The following PPHLN1 variants were observed in gnomAD, a reference collection of about 807,000 sequenced individuals.
PPHLN1 encodes periphilin 1.
Under a neutral mutation model 51.3 loss-of-function variants are expected in PPHLN1, and 29 were observed. That is an observed-to-expected ratio of 0.57 (90% CI 0.42 to 0.77). The LOEUF is 0.77. Among genes scored for constraint, PPHLN1 ranks in the 30% least tolerant of loss-of-function variants. The pLI is 0.00. For missense variants in PPHLN1, 436 were observed against 438.4 expected (o/e 0.99, Z 0.05); for synonymous variants, 147 against 147.8 (o/e 0.99, Z 0.04).
intron 2 of PPHLN1, among the ~76,000 whole-genome samples, chr12:42,347,985 G>T (rs1233637604): frequency 6.6e-6 from 1 of 152,136 alleles, no homozygotes; most frequent in Non-Finnish European, 1.5e-5. Flanking sequence ...TATCTACAGA[G>T]CAGAGATAGT....
chr12:42,336,360 T>C (rs753970254), intron 2 of PPHLN1, among the ~76,000 whole-genome samples: 1 of 151,992 alleles, frequency 6.6e-6, no homozygotes, highest in Non-Finnish European at 1.5e-5. Flanking sequence ...ATTGAATATA[T>C]GAAATTCTAA....
At chr12:42,435,731 C>T (rs2082425238) in intron 9 of PPHLN1, among the ~76,000 whole-genome samples, 1 of 152,054 alleles carries the variant, frequency 6.6e-6, no homozygotes, top group Admixed American at 6.5e-5. Context: ...TTATATTTCA[C>T]AATGCTCCTT....
At chr12:42,385,504 G>T (rs2077118465) in intron 6 of PPHLN1, among the ~76,000 whole-genome samples, 1 of 152,192 alleles carries the variant, frequency 6.6e-6, no homozygotes, top group South Asian at 2.1e-4. Context: ...AAAGGTCCAA[G>T]ACTATACTTC....
chr12:42,346,160 A>G (rs1386772294), intron 2 of PPHLN1, among the ~76,000 whole-genome samples: 1 of 152,108 alleles, frequency 6.6e-6, no homozygotes, highest in Non-Finnish European at 1.5e-5. Context: ...TGGTCCTCAT[A>G]TTGTACATTA....
intron 9 of PPHLN1, among the ~76,000 whole-genome samples, chr12:42,414,344 T>G (rs566285372): frequency 6.6e-6 from 1 of 152,252 alleles, no homozygotes; most frequent in African/African-American, 2.4e-5. Context: ...GATGTTGGTA[T>G]TTTAATAGGA....
chr12:42,395,712 C>T (rs1194266674), intron 8 of PPHLN1, among the ~76,000 whole-genome samples: 3 of 151,854 alleles, frequency 2.0e-5, no homozygotes, highest in Non-Finnish European at 4.4e-5. Context: ...TGTGCATGTG[C>T]GTGTCTGTTT....
intron 9 of PPHLN1, among the ~76,000 whole-genome samples, chr12:42,412,899 T>G (rs1399642505): frequency 6.6e-6 from 1 of 152,248 alleles, no homozygotes; most frequent in African/African-American, 2.4e-5. Flanking sequence ...TTCGTATGTT[T>G]GTTGGTCATT....
At chr12:42,350,885 G>A (rs11833381) in intron 2 of PPHLN1, among the ~76,000 whole-genome samples, 5,065 of 152,132 alleles carry the variant, frequency 0.033, 292 homozygotes, top group African/African-American at 0.11. Flanking sequence ...AATCAGGCAG[G>A]GAGAGGTTGC....
chr12:42,419,636 A>C (rs11830386), intron 9 of PPHLN1, among the ~76,000 whole-genome samples: 5,199 of 152,300 alleles, frequency 0.034, 307 homozygotes, highest in African/African-American at 0.12. Flanking sequence ...ATTAAGTTAT[A>C]TCTGTGTTGT....
chr12:42,441,843 GTTAGAA>G lies in PPHLN1; in HGVS notation c.*337_*342del. The G allele has an allele frequency of 9.8e-7, 1 of 1,025,360 alleles. No homozygotes were observed. Among genetic ancestry groups the G allele is most frequent in the Non-Finnish European group, 1.2e-6 (1 of 857,126 alleles). The allele number at this position is 1,025,360 out of a possible 1,614,324, so 63.5% of individuals were successfully genotyped here. The stretch of plus-strand genomic sequence containing the variant: ...CCCAACACATATACCATCTGAAAAT[GTTAGAA>G]TTCTGAGTTGTGATTTTATTGACTT... On this transcript the variant is annotated 3_prime_UTR_variant, in exon 10 of 10. Transcript: ENST00000358314.
At chr12:42,363,083 A>G (rs1480449688) in intron 4 of PPHLN1, among the ~76,000 whole-genome samples, 2 of 152,180 alleles carry the variant, frequency 1.3e-5, no homozygotes, top group Non-Finnish European at 2.9e-5. Flanking sequence ...TGACACAAAC[A>G]TGCCAATGCT....
intron 2 of PPHLN1, among the ~76,000 whole-genome samples, chr12:42,345,301 A>C (rs1364050192): frequency 6.6e-6 from 1 of 152,148 alleles, no homozygotes; most frequent in African/African-American, 2.4e-5. Flanking sequence ...CCCTAAGATG[A>C]TGACAGATTT....
intron 3 of PPHLN1, among the ~76,000 whole-genome samples, chr12:42,354,049 CTGT>C (rs913195681): frequency 3.3e-5 from 5 of 151,854 alleles, no homozygotes; most frequent in East Asian, 1.9e-4. Flanking sequence ...TTTATTAGCA[CTGT>C]TAAGTTTTGA....
intron 3 of PPHLN1, among the ~76,000 whole-genome samples, chr12:42,353,971 TAA>T (rs1469321791): frequency 1.3e-5 from 2 of 152,188 alleles, no homozygotes; most frequent in Non-Finnish European, 2.9e-5. Flanking sequence ...TTGTGATCCT[TAA>T]GAGTCTCATG....
downstream of PPHLN1, chr12:42,444,380 C>A (rs758822266): frequency 2.7e-5 from 4 of 148,782 alleles, no homozygotes; most frequent in Non-Finnish European, 5.9e-5. Context: ...GGTATTTAAC[C>A]CCCACAGCAA....
intron 2 of PPHLN1, among the ~76,000 whole-genome samples, chr12:42,348,540 T>C (rs2072725747): frequency 6.6e-6 from 1 of 152,172 alleles, no homozygotes; most frequent in Admixed American, 6.5e-5. Flanking sequence ...AAATACATTT[T>C]ACAATCCCCA....
intron 5 of PPHLN1, among the ~76,000 whole-genome samples, chr12:42,376,463 C>T (rs1007235027): frequency 2.0e-5 from 3 of 152,070 alleles, no homozygotes; most frequent in Non-Finnish European, 2.9e-5. Context: ...AATGATGATG[C>T]AGGAGATAAG....
intron 4 of PPHLN1, chr12:42,361,159 T>G (rs2138447254): frequency 6.6e-6 from 1 of 152,422 alleles, no homozygotes; most frequent in East Asian, 1.9e-4. Context: ...TCCTCATGAA[T>G]GGGATTGGTG....
chr12:42,356,359 G>A (rs1461365240), intron 4 of PPHLN1, among the ~76,000 whole-genome samples: 1 of 152,222 alleles, frequency 6.6e-6, no homozygotes, highest in Non-Finnish European at 1.5e-5. Context: ...GATGGTGACT[G>A]TGCACACAGT....
Sources: gnomAD v4.1 joint callset for allele counts (sites outside exome capture counted in the v4.1 genomes callset) on GRCh38, gnomAD v4.1.1 for gene constraint, MANE v1.5 for transcripts, NCBI Gene and HGNC (gene_info 2026-07-23, HGNC 2026-07-21) for gene names.